Variants in TSG101 observed in about 807,000 individuals in gnomAD.
TSG101 encodes tumor susceptibility gene 101 protein.
In TSG101, 19 loss-of-function variants were observed where a neutral mutation model predicts 48.5. That is an observed-to-expected ratio of 0.39 (90% CI 0.27 to 0.58). TSG101 has a LOEUF of 0.58. Among genes scored for constraint, TSG101 ranks in the 20% least tolerant of loss-of-function variants. TSG101 has a pLI of 0.55. For synonymous variants in TSG101, 174 were observed against 169.4 expected (o/e 1.03, Z -0.21); for missense variants, 365 against 484.4 (o/e 0.75, Z 2.31).
At chr11:18,511,595 T>C (rs1850083348) in intron 4 of TSG101, 1 of 152,128 alleles carries the variant, frequency 6.6e-6, no homozygotes, top group Non-Finnish European at 1.5e-5. Context: ...CAAAATTCCT[T>C]AACTAAATCA....
chr11:18,516,204 T>A (rs781656034), intron 2 of TSG101, 40 bp from the exon 3 acceptor site: 13 of 1,552,740 alleles, frequency 8.4e-6, no homozygotes, highest in South Asian at 1.1e-5. Flanking sequence ...GAGCATTTTT[T>A]AAGATACTCC....
At chr11:18,490,363 C>G (rs543294601) in intron 7 of TSG101, 84 of 604,184 alleles carry the variant, frequency 1.4e-4, no homozygotes, top group South Asian at 1.1e-3. Flanking sequence ...GTATCCAATT[C>G]AGTAATTGCT....
intron 7 of TSG101, among the ~76,000 whole-genome samples, chr11:18,487,867 ATCTT>A (rs1849643252): frequency 6.6e-6 from 1 of 151,838 alleles, no homozygotes; most frequent in Non-Finnish European, 1.5e-5. Context: ...CTTTTGGTAG[ATCTT>A]TTTTTTTTGT....
intron 5 of TSG101, among the ~76,000 whole-genome samples, chr11:18,508,093 C>CAA (rs200656803): frequency 2.2e-4 from 29 of 131,744 alleles, no homozygotes; most frequent in Middle Eastern, 4.0e-3. Flanking sequence ...GACTCTGTCT[C>CAA]AAAAAAAAAA....
In TSG101 at chr11:18,480,353, A is replaced by G. The variant is rs1565079047; in HGVS notation, c.*193T>C. 4.9e-6 allele frequency: 2 copies of G among 408,606 alleles called. No homozygotes were observed. Among genetic ancestry groups the G allele is most frequent in the Non-Finnish European group, 8.7e-6 (2 of 231,076 alleles). 25.3% of individuals were successfully genotyped at this position (408,606 alleles called of 1,614,324 possible). ...TTTAGCAGTCCCAACATTCAGCACA[A>G]AAAGTTTACAGAGGATAGAAAGTGC... is the stretch of plus-strand genomic sequence containing the variant. On this transcript the variant is annotated 3_prime_UTR_variant, in exon 10 of 10. Coordinates refer to ENST00000251968, the MANE Select transcript of TSG101 (RefSeq NM_006292.4).
intron 8 of TSG101, among the ~76,000 whole-genome samples, 186 bp downstream of exon 8, chr11:18,483,684 C>G (rs1849579670): frequency 1.3e-5 from 2 of 152,114 alleles, no homozygotes; most frequent in African/African-American, 4.8e-5. Flanking sequence ...CCCTCCCAAT[C>G]TAAGACCAAA....
chr11:18,514,915 G>T, intron 3 of TSG101, 74 bp from the exon 4 acceptor site: 2 of 1,354,766 alleles, frequency 1.5e-6, no homozygotes, highest in East Asian at 5.3e-5. Flanking sequence ...AAGGAACAGA[G>T]GTTTAGTCTA....
intron 4 of TSG101, among the ~76,000 whole-genome samples, chr11:18,514,031 G>C (rs1850128961): frequency 6.6e-6 from 1 of 151,748 alleles, no homozygotes. Context: ...TTGTAAGTGA[G>C]CTGAGATTGT....
At chr11:18,510,871 T>A (rs548355708) in intron 4 of TSG101, among the ~76,000 whole-genome samples, 1 of 151,974 alleles carries the variant, frequency 6.6e-6, no homozygotes, top group African/African-American at 2.4e-5. Context: ...GCAGTATGAC[T>A]GCGCCACTGC....
chr11:18,512,388 G>A (rs1379839846), intron 4 of TSG101, among the ~76,000 whole-genome samples: 1 of 152,076 alleles, frequency 6.6e-6, no homozygotes, highest in African/African-American at 2.4e-5. Context: ...CTATTTTTCA[G>A]TTCTAAGATT....
intron 7 of TSG101, among the ~76,000 whole-genome samples, chr11:18,501,383 A>G (rs1849883766): frequency 6.6e-6 from 1 of 152,140 alleles, no homozygotes; most frequent in South Asian, 2.1e-4. Flanking sequence ...CTTTTTCCCA[A>G]TATATGTTCT....
Position 18,484,089 on chromosome 11 carries a change from C to CA in TSG101, c.641-18dup. 1 of 1,608,622 alleles carries CA rather than the reference C, an allele frequency of 6.2e-7. No homozygotes were observed. Among genetic ancestry groups the CA allele is most frequent in the Non-Finnish European group, 8.5e-7 (1 of 1,177,452 alleles). ...TACTGGGACCTGCAGGAAACAGAGGCAAAAAACACTTGCTTACTTCCCAAG... is the reference window on the plus strand; with the variant it reads ...TACTGGGACCTGCAGGAAACAGAGGCAAAAAAACACTTGCTTACTTCCCAAG... On this transcript the variant is annotated splice_polypyrimidine_tract_variant and intron_variant, in intron 7 of 9. Coordinates refer to ENST00000251968, the MANE Select transcript of TSG101 (RefSeq NM_006292.4).
At chr11:18,523,548 G>A (rs1207996170) in intron 1 of TSG101, among the ~76,000 whole-genome samples, 2 of 151,986 alleles carry the variant, frequency 1.3e-5, no homozygotes, top group Non-Finnish European at 1.5e-5. Flanking sequence ...TGTCACCCAG[G>A]CTGGAGTGCA....
rs1478306434 is a variant in TSG101, at chr11:18,506,886, T to C, written c.519A>G (p.Pro173=). The C allele has an allele frequency of 3.7e-6, 6 of 1,608,126 alleles. No homozygotes were observed. Among genetic ancestry groups the C allele is most frequent in the African/African-American group, 1.3e-5 (1 of 74,816 alleles). Residue 173 remains proline (P), a synonymous_variant, in exon 6 of 10, where the codon CCA becomes CCG. Coordinates refer to ENST00000251968, the MANE Select transcript of TSG101 (RefSeq NM_006292.4). ...YMPGMPGGIS[P]YPSGYPPNPS... is the part of the protein sequence containing the mutation. ...GATTGGGAGGGTATCCGGATGGGTA[T>C]GGAGAGATTCCACCTGGCATGCCTG... is the stretch of plus-strand genomic sequence containing the variant.
At chr11:18,515,835 C>G (rs1850160475) in intron 3 of TSG101, among the ~76,000 whole-genome samples, 1 of 152,140 alleles carries the variant, frequency 6.6e-6, no homozygotes, top group African/African-American at 2.4e-5. Flanking sequence ...ATTTCTAGTT[C>G]TACAATTATT....
chr11:18,481,331 A>G (rs978765778), intron 9 of TSG101: 13 of 985,322 alleles, frequency 1.3e-5, no homozygotes, highest in Non-Finnish European at 1.6e-5. Context: ...CAAAGAACCA[A>G]TGGAAATCTG....
At chr11:18,493,064 C>T (rs1439984375) in intron 7 of TSG101, among the ~76,000 whole-genome samples, 1 of 152,108 alleles carries the variant, frequency 6.6e-6, no homozygotes, top group Non-Finnish European at 1.5e-5. Flanking sequence ...ACTGCCATAC[C>T]CCAAGTCCCC....
intron 7 of TSG101, among the ~76,000 whole-genome samples, chr11:18,485,625 C>T (rs112813339): frequency 9.2e-5 from 14 of 152,128 alleles, no homozygotes; most frequent in South Asian, 4.2e-4. Flanking sequence ...AATATATGAG[C>T]GCTCTCCAAA....
intron 9 of TSG101, 75 bp from the exon 10 acceptor site, chr11:18,480,710 AC>A: frequency 2.2e-6 from 3 of 1,366,036 alleles, no homozygotes; most frequent in Non-Finnish European, 3.1e-6. Flanking sequence ...ACAATTTGTA[AC>A]CTAGATGGGA....
Sources: gnomAD v4.1 joint callset for allele counts (sites outside exome capture counted in the v4.1 genomes callset) on GRCh38, gnomAD v4.1.1 for gene constraint, MANE v1.5 for transcripts, NCBI Gene and HGNC (gene_info 2026-07-23, HGNC 2026-07-21) for gene names.